The following SIPA1L3 variants were observed in gnomAD, a reference collection of about 807,000 sequenced individuals.
SIPA1L3 encodes signal induced proliferation associated 1 like 3.
In SIPA1L3, 59 loss-of-function variants were observed where a neutral mutation model predicts 150.1. That is an observed-to-expected ratio of 0.39 (90% CI 0.32 to 0.49). The LOEUF (loss-of-function observed/expected upper bound fraction) is 0.49, where lower values mean the gene tolerates loss of function less well. SIPA1L3 is among the 20% of genes least tolerant of loss of function. The pLI is 0.86. For synonymous variants in SIPA1L3, 1,070 were observed against 1,077.6 expected (o/e 0.99, Z 0.14); for missense variants, 2,211 against 2,489.5 (o/e 0.89, Z 2.38).
intron 3 of SIPA1L3, among the ~76,000 whole-genome samples, chr19:38,087,943 G>A (rs1206661446): frequency 2.6e-5 from 4 of 152,194 alleles, no homozygotes; most frequent in African/African-American, 7.2e-5. Flanking sequence ...GAGTGAACCC[G>A]GGAGGTGGAG....
chr19:38,131,103 T>C (rs560294491), intron 10 of SIPA1L3, among the ~76,000 whole-genome samples: 19 of 152,190 alleles, frequency 1.2e-4, no homozygotes, highest in Non-Finnish European at 2.6e-4. Context: ...ACTTCATTCA[T>C]TTGTTCAAAA....
chr19:38,016,555 C>T (rs1016766440), intron 1 of SIPA1L3, among the ~76,000 whole-genome samples: 5 of 152,134 alleles, frequency 3.3e-5, no homozygotes, highest in African/African-American at 7.2e-5. Context: ...TTCAGTGGCA[C>T]GGTCTCGGTG....
chr19:38,018,226 T>C (rs1048113322), intron 1 of SIPA1L3, among the ~76,000 whole-genome samples: 1 of 146,422 alleles, frequency 6.8e-6, no homozygotes, highest in Admixed American at 6.9e-5. Context: ...TGCAGTGGTA[T>C]GATCTCGGCT....
intron 18 of SIPA1L3, among the ~76,000 whole-genome samples, chr19:38,196,972 G>T (rs895322857): frequency 6.6e-6 from 1 of 152,180 alleles, no homozygotes; most frequent in African/African-American, 2.4e-5. Flanking sequence ...TGGGTTAAAA[G>T]AATCAAACAA....
At chr19:37,956,033 C>A (rs763082682) in intron 1 of SIPA1L3, among the ~76,000 whole-genome samples, 4 of 152,202 alleles carry the variant, frequency 2.6e-5, no homozygotes, top group Non-Finnish European at 4.4e-5. Context: ...GGCTGGAGTA[C>A]AATGGCTATT....
At chr19:37,981,095 A>C (rs1235195147) in intron 1 of SIPA1L3, among the ~76,000 whole-genome samples, 2 of 152,140 alleles carry the variant, frequency 1.3e-5, no homozygotes, top group Non-Finnish European at 2.9e-5. Context: ...GGTTCTTTTT[A>C]TAGGGCTGGT....
intron 2 of SIPA1L3, among the ~76,000 whole-genome samples, chr19:38,062,857 G>A (rs1234327265): frequency 1.3e-5 from 2 of 152,150 alleles, no homozygotes; most frequent in Non-Finnish European, 2.9e-5. Context: ...CTGACCTCAG[G>A]TGATCCGCCT....
chr19:37,955,676 G>A (rs936660038), intron 1 of SIPA1L3, among the ~76,000 whole-genome samples: 4 of 152,064 alleles, frequency 2.6e-5, no homozygotes, highest in African/African-American at 7.2e-5. Context: ...ATGTTTCTGC[G>A]CTTCCTCCAG....
intron 15 of SIPA1L3, among the ~76,000 whole-genome samples, chr19:38,180,834 C>T (rs1163663287): frequency 1.3e-5 from 2 of 152,142 alleles, no homozygotes; most frequent in African/African-American, 4.8e-5. Context: ...CGTGAGCCAC[C>T]GCGCCCGGCC....
At position 38,047,648 on chromosome 19, in the gene SIPA1L3, G is replaced by A. The variant is rs963030776; in HGVS notation, c.-311+18492G>A. ...GAACCCGGGCCGGGCTGACCCCAGA[G>A]CGCACGCTCCTTTGCCCGCCCCTGC... is the stretch of plus-strand genomic sequence containing the variant. On this transcript the variant is annotated intron_variant, in intron 2 of 21. Transcript: ENST00000222345. This position sits in a 1 kb window ranked among gnomAD's most constrained non-coding sequence, Gnocchi z 4.7. 1.3e-5 allele frequency among the ~76,000 whole-genome samples: 2 copies of A among 152,212 alleles called. No homozygotes were observed. The highest frequency in any genetic ancestry group is 3.9e-4 in the East Asian group (2 of 5,192).
chr19:37,975,504 A>G (rs1400929383), intron 1 of SIPA1L3, among the ~76,000 whole-genome samples: 1 of 152,136 alleles, frequency 6.6e-6, no homozygotes, highest in Non-Finnish European at 1.5e-5. Flanking sequence ...CAGGGTCCCC[A>G]TCTGTAAGAT....
chr19:37,942,722 A>T (rs942599222), intron 1 of SIPA1L3, among the ~76,000 whole-genome samples: 12 of 152,128 alleles, frequency 7.9e-5, no homozygotes, highest in African/African-American at 2.7e-4. Flanking sequence ...GAGTGGTGGC[A>T]ATGGGGACAA....
At chr19:38,030,603 T>TTATATA (rs58410246) in intron 2 of SIPA1L3, among the ~76,000 whole-genome samples, 1 of 138,382 alleles carries the variant, frequency 7.2e-6, no homozygotes, top group African/African-American at 3.0e-5. Flanking sequence ...TACACATATT[T>TTATATA]TATATATATA....
chr19:37,987,445 T>C (rs1967384621), intron 1 of SIPA1L3, among the ~76,000 whole-genome samples: 1 of 152,220 alleles, frequency 6.6e-6, no homozygotes. Context: ...CTGACGCTGT[T>C]GACCTTTGGG....
Position 38,082,972 on chromosome 19 carries a change from C to T in SIPA1L3, c.1407C>T (p.Thr469=). The change falls in exon 3 of 22, where the codon ACC becomes ACT. Residue 469 remains threonine, a synonymous_variant. Transcript: ENST00000222345. ...AGCCCGCCCTGAGCGCCTACCGCAC[C>T]AACGCCAGCATCTCGGTGTTGGAAG... ...LAEPALSAYR[T]NASISVLEVP... 1 of 1,613,160 alleles carries T rather than the reference C, an allele frequency of 6.2e-7. No homozygotes were observed. Among genetic ancestry groups the T allele is most frequent in the Non-Finnish European group, 8.5e-7 (1 of 1,179,888 alleles).
chr19:38,116,645 C>T (rs996943969), intron 8 of SIPA1L3, among the ~76,000 whole-genome samples: 15 of 151,588 alleles, frequency 9.9e-5, no homozygotes, highest in Non-Finnish European at 2.2e-4. Flanking sequence ...GCCAGGAATT[C>T]GAGACCAGCC....
chr19:38,167,746 G>A (rs754130234), intron 15 of SIPA1L3, among the ~76,000 whole-genome samples: 1 of 152,088 alleles, frequency 6.6e-6, no homozygotes, highest in South Asian at 2.1e-4. Flanking sequence ...AAGTTTGTTA[G>A]TAGAGAAGGG....
At chr19:38,162,126 G>A in intron 13 of SIPA1L3, 127 bp from the exon 14 acceptor site, 1 of 725,756 alleles carries the variant, frequency 1.4e-6, no homozygotes, top group African/African-American at 1.7e-5. Flanking sequence ...ACTGAGTGTT[G>A]CACTCCAAGG....
chr19:37,922,273 A>T (rs757947203), intron 1 of SIPA1L3, among the ~76,000 whole-genome samples: 6 of 151,822 alleles, frequency 4.0e-5, no homozygotes, highest in Non-Finnish European at 8.8e-5. Flanking sequence ...TTTTTAGTAC[A>T]GACGGGGTTT....
Sources: allele counts gnomAD v4.1 joint callset (sites outside exome capture counted in the v4.1 genomes callset), GRCh38; gene constraint gnomAD v4.1.1; non-coding constraint Gnocchi (gnomAD v3.1); transcripts MANE v1.5; gene names NCBI Gene and HGNC (gene_info 2026-07-23, HGNC 2026-07-21).